Variants in ANKS1B observed in about 807,000 individuals in gnomAD.
ANKS1B encodes ankyrin repeat and sterile alpha motif domain containing 1B.
A neutral mutation model predicts 148.3 loss-of-function variants in ANKS1B; 36 were observed. That is an observed-to-expected ratio of 0.24 (90% CI 0.19 to 0.32). The LOEUF (loss-of-function observed/expected upper bound fraction) is 0.32. Among genes scored for constraint, ANKS1B ranks in the 10% least tolerant of loss-of-function variants. The pLI, the probability that ANKS1B is intolerant of heterozygous loss-of-function variation, is 1.00. For missense variants in ANKS1B, 1,157 were observed against 1,542.6 expected, an observed-to-expected ratio of 0.75 and a Z score of 4.19; for synonymous variants, 542 against 560.8, an observed-to-expected ratio of 0.97 and a Z score of 0.47.
chr12:99,379,998 A>G (rs1051682097), intron 12 of ANKS1B, among the ~76,000 whole-genome samples: 1 of 152,242 alleles, frequency 6.6e-6, no homozygotes, highest in Non-Finnish European at 1.5e-5. Context: ...AACTCCCTGG[A>G]GTAATCCTTA....
chr12:99,308,985 T>A (rs1004553852), intron 12 of ANKS1B, among the ~76,000 whole-genome samples: 8 of 150,832 alleles, frequency 5.3e-5, no homozygotes, highest in African/African-American at 1.9e-4. Context: ...CTGTATGTAA[T>A]AGATGTGTAT....
chr12:99,335,208 A>G (rs1858620814), intron 12 of ANKS1B, among the ~76,000 whole-genome samples: 1 of 149,930 alleles, frequency 6.7e-6, no homozygotes, highest in African/African-American at 2.5e-5. Context: ...AATTTTTTTC[A>G]TTTTTAATTT....
chr12:99,268,305 G>A (rs1014340714), intron 12 of ANKS1B, among the ~76,000 whole-genome samples: 1 of 152,192 alleles, frequency 6.6e-6, no homozygotes, highest in Non-Finnish European at 1.5e-5. Flanking sequence ...AGAATTCAGA[G>A]CAGAAATATG....
chr12:99,117,277 C>T (rs1405238727), intron 15 of ANKS1B, among the ~76,000 whole-genome samples: 1 of 152,092 alleles, frequency 6.6e-6, no homozygotes, highest in African/African-American at 2.4e-5. Flanking sequence ...GTCTTGTGCC[C>T]ATTTTCTAAG....
At chr12:98,748,487 C>T (rs2153381211) in intron 26 of ANKS1B, among the ~76,000 whole-genome samples, 1 of 152,350 alleles carries the variant, frequency 6.6e-6, no homozygotes, top group South Asian at 2.1e-4. Flanking sequence ...CTGCCCTGTC[C>T]TAGCTGCCTG....
chr12:99,226,627 A>T (rs139772976), intron 14 of ANKS1B, among the ~76,000 whole-genome samples: 5 of 152,344 alleles, frequency 3.3e-5, no homozygotes, highest in African/African-American at 9.6e-5. Context: ...TGATGGCTAC[A>T]GCAGAGAAAA....
chr12:99,175,701 C>T lies in ANKS1B; in HGVS notation c.2420-21306G>A, dbSNP rs371149294. 4.5e-4 allele frequency among the ~76,000 whole-genome samples: 69 copies of T among 152,206 alleles called. No individual in the cohort carries two copies. The South Asian group carries it at 0.013, about 28-fold the overall frequency. ...AATAATGTGTTCAGGTTAGCTAATC[C>T]GCATAGTACCATCACCAGAATACCT... On this transcript the variant is annotated intron_variant, in intron 14 of 26. Transcript: ENST00000683438.
chr12:99,456,913 C>T (rs2095856470), intron 10 of ANKS1B, among the ~76,000 whole-genome samples: 1 of 152,004 alleles, frequency 6.6e-6, no homozygotes, highest in Non-Finnish European at 1.5e-5. Flanking sequence ...ATACAAAAAG[C>T]TCAAAAAACA....
intron 1 of ANKS1B, among the ~76,000 whole-genome samples, chr12:99,934,085 G>T (rs893666640): frequency 6.6e-6 from 1 of 152,052 alleles, no homozygotes; most frequent in Admixed American, 6.6e-5. Context: ...ATTGATCTGT[G>T]CATGTTGAAC....
At chr12:98,796,073 G>T (rs926548284) in intron 22 of ANKS1B, among the ~76,000 whole-genome samples, 1 of 152,124 alleles carries the variant, frequency 6.6e-6, no homozygotes, top group Non-Finnish European at 1.5e-5. Flanking sequence ...ACTTGAAAGT[G>T]CCTCTATGGT....
At chr12:99,179,810 T>A (rs932368105) in intron 14 of ANKS1B, among the ~76,000 whole-genome samples, 6 of 152,206 alleles carry the variant, frequency 3.9e-5, no homozygotes, top group African/African-American at 1.4e-4. Flanking sequence ...ATATGATAAA[T>A]CCTCAATAAT....
At chr12:99,935,995 CA>C (rs2094758474) in intron 1 of ANKS1B, among the ~76,000 whole-genome samples, 1 of 152,098 alleles carries the variant, frequency 6.6e-6, no homozygotes, top group South Asian at 2.1e-4. Flanking sequence ...CACAGGGCAG[CA>C]GGAGAAAGAA....
intron 12 of ANKS1B, among the ~76,000 whole-genome samples, chr12:99,369,356 C>T (rs1277531698): frequency 1.3e-5 from 2 of 152,126 alleles, no homozygotes; most frequent in Non-Finnish European, 2.9e-5. Context: ...ATATATTTTA[C>T]AAGACAATTG....
In ANKS1B at chr12:99,633,029, A is replaced by G. The variant is rs139973577; in HGVS notation, c.1272+22038T>C. ...GCCATGTTTGGTTTTTGTCCTTGCA[A>G]TAGTTTGCTGAGAATGATGGTTTCC... On this transcript the variant is annotated intron_variant, in intron 9 of 26. Coordinates refer to ENST00000683438, the MANE Select transcript of ANKS1B (RefSeq NM_001352186.2). 8.6e-3 allele frequency among the ~76,000 whole-genome samples: 1,281 copies of G among 149,588 alleles called. 20 individuals carry two copies. The highest frequency in any genetic ancestry group is 0.03 in the African/African-American group (1,223 of 40,706).
chr12:98,911,479 A>G (rs1312144352), intron 17 of ANKS1B, among the ~76,000 whole-genome samples: 1 of 152,188 alleles, frequency 6.6e-6, no homozygotes, highest in Admixed American at 6.5e-5. Flanking sequence ...CATTAGGGAG[A>G]GCAGGAGCAT....
At chr12:99,547,607 T>C (rs2097182925) in intron 9 of ANKS1B, among the ~76,000 whole-genome samples, 1 of 152,162 alleles carries the variant, frequency 6.6e-6, no homozygotes, top group Non-Finnish European at 1.5e-5. Context: ...TAATGGGTGA[T>C]CCTGAAAGTG....
chr12:99,601,845 T>C (rs1463383131), intron 9 of ANKS1B, among the ~76,000 whole-genome samples: 2 of 152,004 alleles, frequency 1.3e-5, no homozygotes, highest in African/African-American at 4.8e-5. Context: ...CTGTTCTTAT[T>C]CTTCTTGAAC....
intron 17 of ANKS1B, among the ~76,000 whole-genome samples, chr12:98,920,410 A>C (rs1207158276): frequency 6.6e-6 from 1 of 152,194 alleles, no homozygotes; most frequent in African/African-American, 2.4e-5. Flanking sequence ...TTTATACAGG[A>C]AAAAGGGTTT....
intron 1 of ANKS1B, among the ~76,000 whole-genome samples, chr12:99,853,005 G>A (rs1262035784): frequency 2.0e-5 from 3 of 152,086 alleles, no homozygotes; most frequent in Admixed American, 2.0e-4. Flanking sequence ...ATCCCCCTGG[G>A]AACATAACTC....
Sources: gnomAD v4.1 joint callset for allele counts (sites outside exome capture counted in the v4.1 genomes callset) on GRCh38, gnomAD v4.1.1 for gene constraint, MANE v1.5 for transcripts, NCBI Gene and HGNC (gene_info 2026-07-23, HGNC 2026-07-21) for gene names.